The following ACOX1 variants were observed in gnomAD, a reference collection of about 807,000 sequenced individuals.
The protein encoded by ACOX1 is acyl-CoA oxidase 1.
Under a neutral mutation model 75.5 loss-of-function variants are expected in ACOX1, and 41 were observed. That is an observed-to-expected ratio of 0.54 (90% CI 0.42 to 0.70). The LOEUF (loss-of-function observed/expected upper bound fraction) is 0.70, where lower values mean the gene tolerates loss of function less well. Among genes scored for constraint, ACOX1 ranks in the 30% least tolerant of loss-of-function variants. The pLI, the probability that ACOX1 is intolerant of heterozygous loss-of-function variation, is 0.00. For missense variants in ACOX1, 630 were observed against 837.5 expected (o/e 0.75, Z 3.06); for synonymous variants, 303 against 298.8 (o/e 1.01, Z -0.15).
At chr17:75,958,545 A>T (rs554255120) in intron 3 of ACOX1, among the ~76,000 whole-genome samples, 1 of 148,066 alleles carries the variant, frequency 6.8e-6, no homozygotes, top group Non-Finnish European at 1.5e-5. Flanking sequence ...ACGGTGGCTC[A>T]CGCCTGTAAT....
chr17:75,976,274 G>T (rs1233654647), intron 2 of ACOX1, among the ~76,000 whole-genome samples: 1 of 152,160 alleles, frequency 6.6e-6, no homozygotes, highest in South Asian at 2.1e-4. Flanking sequence ...CGGTGTCCAT[G>T]AATCTTTAAC....
chr17:75,969,641 G>A (rs73997677), intron 2 of ACOX1, among the ~76,000 whole-genome samples: 5,087 of 152,240 alleles, frequency 0.033, 301 homozygotes, highest in African/African-American at 0.11. Context: ...GGTAAAGACT[G>A]ATGACTTAAA....
Position 75,955,787 on chromosome 17 carries a change from C to T in ACOX1, c.658+41G>A, listed in dbSNP as rs762169256. ...TCTACCTTTTGCAGAAGAAAGTGCT[C>T]AGTTTCATTTTCATCTCAACATCAG... On this transcript the variant is annotated intron_variant, in intron 5 of 13. Transcript: ENST00000293217. 3.1e-6 allele frequency: 5 copies of T among 1,614,024 alleles called. No individual in the cohort carries two copies. In the South Asian group the frequency reaches 5.5e-5, roughly 18 times the overall value.
chr17:75,962,740 C>T (rs892891893), intron 2 of ACOX1, among the ~76,000 whole-genome samples: 2 of 152,102 alleles, frequency 1.3e-5, no homozygotes, highest in African/African-American at 4.8e-5. Context: ...GAATTAAATG[C>T]CTTGCTCAGG....
intron 2 of ACOX1, among the ~76,000 whole-genome samples, chr17:75,976,939 A>G (rs1350314874): frequency 6.6e-6 from 1 of 151,380 alleles, no homozygotes; most frequent in Admixed American, 6.6e-5. Flanking sequence ...GGCCAAAATA[A>G]TCTTGTACTA....
chr17:75,964,143 C>T (rs559759117), intron 2 of ACOX1, among the ~76,000 whole-genome samples: 1 of 147,034 alleles, frequency 6.8e-6, no homozygotes, highest in East Asian at 2.0e-4. Flanking sequence ...AAGATCGCAC[C>T]ACTGCATTCT....
At chr17:75,955,483 C>T in intron 6 of ACOX1, 83 bp downstream of exon 6, 1 of 1,152,858 alleles carries the variant, frequency 8.7e-7, no homozygotes, top group Non-Finnish European at 1.3e-6. Context: ...TCTAAAAGAA[C>T]AGACCATTCT....
intron 2 of ACOX1, among the ~76,000 whole-genome samples, chr17:75,961,561 G>A (rs1375033258): frequency 6.6e-6 from 1 of 151,484 alleles, no homozygotes. Context: ...CCTGAGGTCA[G>A]GAGTTCAAGA....
Position 75,949,232 on chromosome 17 carries a change from C to T in ACOX1, c.1713G>A (p.Ala571=), listed in dbSNP as rs768753200. The T allele has an allele frequency of 4.2e-5, 68 of 1,614,052 alleles. No individual in the cohort carries two copies. Among genetic ancestry groups the T allele is most frequent in the South Asian group, 5.5e-5 (5 of 91,082 alleles). The change falls in exon 12 of 14, where the codon GCG becomes GCA. Residue 571 remains alanine, a synonymous_variant. Transcript: ENST00000293217. ...LYSLYGISQN[A]GDFLQGSIMT... is the part of the protein sequence containing the mutation. Reference sequence around the variant, plus strand: ...AAATACTGACCTGAAGGAAATCCCCCGCGTTCTGACTGATTCCATACAGAG... The same window carrying T: ...AAATACTGACCTGAAGGAAATCCCCTGCGTTCTGACTGATTCCATACAGAG...
At chr17:75,956,476 T>C (rs1189600743) in intron 4 of ACOX1, among the ~76,000 whole-genome samples, 3 of 151,940 alleles carry the variant, frequency 2.0e-5, no homozygotes, top group Non-Finnish European at 2.9e-5. Context: ...AGACCAGAGG[T>C]CAGGAGTTTG....
chr17:75,961,465 CAAA>C (rs142857967), intron 2 of ACOX1, among the ~76,000 whole-genome samples: 8 of 50,800 alleles, frequency 1.6e-4, no homozygotes, highest in African/African-American at 4.6e-4. Flanking sequence ...ACTAAAAATA[CAAA>C]AAAAAAAAAA....
intron 6 of ACOX1, among the ~76,000 whole-genome samples, chr17:75,953,944 C>T (rs1037780883): frequency 2.6e-5 from 4 of 152,206 alleles, no homozygotes; most frequent in Non-Finnish European, 5.9e-5. Flanking sequence ...TCAGAGTGGG[C>T]GTGATGGCTC....
chr17:75,956,008 G>C (rs1444840140), intron 4 of ACOX1, 61 bp from the exon 5 acceptor site: 1 of 1,602,694 alleles, frequency 6.2e-7, no homozygotes, highest in East Asian at 2.2e-5. Context: ...TTAAAGGGTA[G>C]AAAAAAGAAG....
In ACOX1 at chr17:75,978,597, A is replaced by T. The variant is rs753098640; in HGVS notation, c.206T>A (p.Ile69Asn). ...AAACTCCCTCATCTTCTTCACCATG[A>T]TGGCACTTTTCCTGACAGCCACCTC... The part of the protein sequence containing the change: ...RYEVAVRKSA[I>N]MVKKMREFGI... Residue 69 changes from isoleucine to asparagine, a missense_variant, in exon 2 of 14, where the codon ATC (isoleucine) becomes AAC (asparagine). Physicochemically the swap from Ile to Asn is moderately radical, Grantham distance 149 (BLOSUM62 -3). Around this residue, in one of 2 missense-constraint regions of ACOX1, gnomAD observed 390 missense variants for 574.9 expected, o/e 0.68. Transcript: ENST00000293217. This position sits in a 1 kb window ranked among gnomAD's most constrained non-coding sequence, Gnocchi z 4.2. 22 of 1,614,046 alleles carry T rather than the reference A, an allele frequency of 1.4e-5. No homozygotes were observed. Among genetic ancestry groups the T allele is most frequent in the Non-Finnish European group, 1.8e-5 (21 of 1,180,028 alleles).
At position 75,978,837 on chromosome 17, in the gene ACOX1, G is replaced by C. The variant is rs778556345; in HGVS notation, c.109+128C>G. On this transcript the variant is annotated intron_variant, in intron 1 of 13. Coordinates refer to ENST00000293217, the MANE Select transcript of ACOX1 (RefSeq NM_004035.7). This position sits in a 1 kb window ranked among gnomAD's most constrained non-coding sequence, Gnocchi z 4.2. ...CCACCAGGGACACAGGCTGTTCCTC[G>C]AAGTGGGGGTCCCGGCTCCCCTAAC... 6.3e-7 allele frequency: 1 copy of C among 1,597,774 alleles called. No individual in the cohort carries two copies. Among genetic ancestry groups the C allele is most frequent in the Non-Finnish European group, 8.5e-7 (1 of 1,176,192 alleles).
At chr17:75,964,458 T>A (rs552093795) in intron 2 of ACOX1, among the ~76,000 whole-genome samples, 8 of 152,252 alleles carry the variant, frequency 5.3e-5, no homozygotes, top group Non-Finnish European at 1.2e-4. Context: ...CAAGCACCCA[T>A]CAGCCTCTGG....
chr17:75,952,252 C>A (rs559498529), intron 7 of ACOX1, among the ~76,000 whole-genome samples: 7 of 152,200 alleles, frequency 4.6e-5, no homozygotes, highest in African/African-American at 1.7e-4. Context: ...TAAGAATTAG[C>A]AAGGGTCTCA....
chr17:75,947,732 A>G (rs1163598014), intron 13 of ACOX1, among the ~76,000 whole-genome samples: 1 of 140,568 alleles, frequency 7.1e-6, no homozygotes. Flanking sequence ...TTTTTGAGAC[A>G]GAGTTTTGCT....
chr17:75,946,350 G>A lies in ACOX1; in HGVS notation c.*398C>T. 1 of 324,168 alleles carries A rather than the reference G, an allele frequency of 3.1e-6. No homozygotes were observed. The allele number at this position is 324,168 out of a possible 1,614,324, so 20.1% of individuals were successfully genotyped here. Reference sequence around the variant, plus strand: ...ACACTGAGCAGGAAAGCTTGGAAGGGTTCTACACCACTTCAAAAATACCTT... The same window carrying A: ...ACACTGAGCAGGAAAGCTTGGAAGGATTCTACACCACTTCAAAAATACCTT... On this transcript the variant is annotated 3_prime_UTR_variant, in exon 14 of 14. Transcript: ENST00000293217.
Sources: gnomAD v4.1 joint callset for allele counts (sites outside exome capture counted in the v4.1 genomes callset) on GRCh38, gnomAD v4.1.1 for gene constraint, gnomAD v4.1.1 regional missense constraint, Gnocchi (gnomAD v3.1) non-coding constraint, MANE v1.5 for transcripts, NCBI Gene and HGNC (gene_info 2026-07-23, HGNC 2026-07-21) for gene names.